Variants in RAB38 observed in about 807,000 individuals in gnomAD.
The protein encoded by RAB38 is ras-related protein Rab-38.
In RAB38, 15 loss-of-function variants were observed where a neutral mutation model predicts 18.4. The observed-to-expected ratio is 0.82, with a 90% CI of 0.55 to 1.26. RAB38 has a LOEUF of 1.26. RAB38 is among the 50% of genes most tolerant of loss of function. RAB38 has a pLI of 0.00. For missense variants in RAB38, 294 were observed against 267.4 expected, an observed-to-expected ratio of 1.10 and a Z score of -0.69; for synonymous variants, 101 against 104.4, an observed-to-expected ratio of 0.97 and a Z score of 0.20.
the RAB38 span, among the ~76,000 whole-genome samples, chr11:87,824,212 A>C: frequency 6.6e-6 from 1 of 152,172 alleles, no homozygotes; most frequent in Non-Finnish European, 1.5e-5. Flanking sequence ...CTACATGTTG[A>C]GCAGTGAGAC....
chr11:87,926,481 CTCTAAT>C, the RAB38 span, among the ~76,000 whole-genome samples: 2 of 151,578 alleles, frequency 1.3e-5, no homozygotes, highest in African/African-American at 2.4e-5. Flanking sequence ...AATTTCCTTA[CTCTAAT>C]TCTAAATAAG....
chr11:88,114,734 A>G (rs1942525182), intron 2 of RAB38, among the ~76,000 whole-genome samples: 1 of 152,240 alleles, frequency 6.6e-6, no homozygotes, highest in South Asian at 2.1e-4. Flanking sequence ...GCCAGTGCTC[A>G]GTTTCCTGTT....
At chr11:87,866,034 CGGAG>C in the RAB38 span, among the ~76,000 whole-genome samples, 1 of 151,618 alleles carries the variant, frequency 6.6e-6, no homozygotes, top group African/African-American at 2.4e-5. Context: ...GAAGAGAATT[CGGAG>C]TCTCAGAAAG....
the RAB38 span, among the ~76,000 whole-genome samples, chr11:88,027,061 T>C: frequency 6.6e-6 from 1 of 152,202 alleles, no homozygotes; most frequent in Non-Finnish European, 1.5e-5. Flanking sequence ...TTCAAAAATA[T>C]TTTTGATAAC....
the RAB38 span, among the ~76,000 whole-genome samples, chr11:87,901,887 T>C: frequency 6.6e-6 from 1 of 151,116 alleles, no homozygotes; most frequent in Non-Finnish European, 1.5e-5. Flanking sequence ...CATCTAAAAT[T>C]ATTTGCTACA....
At chr11:87,943,908 C>A in the RAB38 span, among the ~76,000 whole-genome samples, 1 of 152,110 alleles carries the variant, frequency 6.6e-6, no homozygotes, top group Non-Finnish European at 1.5e-5. Flanking sequence ...CATTTATAAA[C>A]CCATTTTCTG....
chr11:87,962,757 G>A, the RAB38 span, among the ~76,000 whole-genome samples: 21 of 152,230 alleles, frequency 1.4e-4, no homozygotes, highest in South Asian at 6.2e-4. Context: ...ATTGCACAGC[G>A]TGCTGACTAT....
the RAB38 span, among the ~76,000 whole-genome samples, chr11:88,013,603 A>G: frequency 6.6e-6 from 1 of 152,178 alleles, no homozygotes; most frequent in Admixed American, 6.5e-5. Context: ...GTGAAACACT[A>G]AGAGCCCAGA....
chr11:87,963,223 A>G, the RAB38 span, among the ~76,000 whole-genome samples: 2 of 152,180 alleles, frequency 1.3e-5, no homozygotes, highest in African/African-American at 4.8e-5. Context: ...TCACATGTTG[A>G]CACACACCCA....
At chr11:88,114,442 TAAA>T (rs906183375) in intron 2 of RAB38, among the ~76,000 whole-genome samples, 12 of 152,208 alleles carry the variant, frequency 7.9e-5, no homozygotes, top group Admixed American at 7.2e-4. Flanking sequence ...ACTCAAACTA[TAAA>T]AATATTGTAG....
intron 2 of RAB38, among the ~76,000 whole-genome samples, chr11:88,126,452 A>G (rs1241421706): frequency 6.6e-6 from 1 of 152,138 alleles, no homozygotes; most frequent in East Asian, 1.9e-4. Context: ...TCACAAGGAC[A>G]AAAAAACCAA....
chr11:87,977,668 T>C, the RAB38 span, among the ~76,000 whole-genome samples: 9 of 117,688 alleles, frequency 7.6e-5, no homozygotes, highest in South Asian at 2.3e-3. Context: ...TATAACTATA[T>C]ATTATGTAAT....
the RAB38 span, among the ~76,000 whole-genome samples, chr11:87,901,950 C>T: frequency 6.2e-5 from 9 of 145,866 alleles, no homozygotes; most frequent in African/African-American, 2.0e-4. Context: ...TAACTCAAGA[C>T]ACGCTGATAA....
the RAB38 span, among the ~76,000 whole-genome samples, chr11:87,841,305 C>T: frequency 1.1e-4 from 17 of 152,178 alleles, no homozygotes; most frequent in Non-Finnish European, 1.3e-4. Context: ...GGAGCTTTCA[C>T]GAGATCTGAT....
chr11:88,134,317 T>C (rs374195458), intron 2 of RAB38, among the ~76,000 whole-genome samples: 76 of 152,314 alleles, frequency 5.0e-4, no homozygotes, highest in African/African-American at 1.7e-3. Flanking sequence ...CTAGGCTCAC[T>C]GCAACCTCCA....
At chr11:87,977,952 A>G in the RAB38 span, among the ~76,000 whole-genome samples, 1 of 112,518 alleles carries the variant, frequency 8.9e-6, no homozygotes, top group Non-Finnish European at 1.7e-5. Context: ...ATATTAATAT[A>G]ATATATAAAT....
chr11:87,920,020 T>C, the RAB38 span, among the ~76,000 whole-genome samples: 1 of 151,944 alleles, frequency 6.6e-6, no homozygotes, highest in Non-Finnish European at 1.5e-5. Context: ...TTGAGTCTTC[T>C]CCCTTTATTT....
chr11:87,874,924 G>A, the RAB38 span, among the ~76,000 whole-genome samples: 2 of 151,334 alleles, frequency 1.3e-5, no homozygotes, highest in African/African-American at 2.4e-5. Context: ...ACTACCATAT[G>A]GTCCAGTCAT....
At chr11:87,958,556 G>T in the RAB38 span, among the ~76,000 whole-genome samples, 1 of 152,104 alleles carries the variant, frequency 6.6e-6, no homozygotes, top group Non-Finnish European at 1.5e-5. Flanking sequence ...AGAACACTCT[G>T]GTCTCCATTT....
Sources: gnomAD v4.1 joint callset for allele counts (sites outside exome capture counted in the v4.1 genomes callset) on GRCh38, gnomAD v4.1.1 for gene constraint, MANE v1.5 for transcripts, NCBI Gene and HGNC (gene_info 2026-07-23, HGNC 2026-07-21) for gene names.